The following ATP10B variants were observed in gnomAD, a reference collection of about 807,000 sequenced individuals.
ATP10B encodes the protein phospholipid-transporting ATPase VB.
ATP10B carries 122 observed loss-of-function variants against 141.2 expected under a neutral mutation model. The ratio of observed to expected loss-of-function variants is 0.86; its 90% CI spans 0.75 to 1.00. The LOEUF is 1.00. Ranked by LOEUF, ATP10B falls within the 50% of genes least tolerant of loss-of-function variation. The pLI is 0.00. For synonymous variants in ATP10B, 685 were observed against 692.0 expected, an observed-to-expected ratio of 0.99 and a Z score of 0.16; for missense variants, 1,876 against 1,825.3, an observed-to-expected ratio of 1.03 and a Z score of -0.51.
At chr5:160,860,998 A>G in the ATP10B span, among the ~76,000 whole-genome samples, 1 of 151,930 alleles carries the variant, frequency 6.6e-6, no homozygotes, top group African/African-American at 2.4e-5. Context: ...CCTCTGTAGC[A>G]ACTCAGTTTT....
intron 1 of ATP10B, among the ~76,000 whole-genome samples, chr5:160,837,050 C>T (rs1385162126): frequency 1.3e-5 from 2 of 152,096 alleles, no homozygotes; most frequent in South Asian, 2.1e-4. Flanking sequence ...TATACATACA[C>T]GATCTTACCA....
At chr5:160,821,693 A>G (rs1774118546) in intron 1 of ATP10B, among the ~76,000 whole-genome samples, 1 of 152,118 alleles carries the variant, frequency 6.6e-6, no homozygotes, top group Non-Finnish European at 1.5e-5. Flanking sequence ...GAGAGCCCAG[A>G]GTTAAATCCG....
At position 160,842,986 on chromosome 5, in the gene ATP10B, C is replaced by T. The variant is rs142477675; in HGVS notation, c.-576+8955G>A. 1.8e-3 allele frequency among the ~76,000 whole-genome samples: 278 copies of T among 152,064 alleles called. 1 individual carries two copies. The highest frequency in any genetic ancestry group is 5.8e-3 in the African/African-American group (242 of 41,496). On this transcript the variant is annotated intron_variant, in intron 1 of 25. Coordinates refer to ENST00000327245, the MANE Select transcript of ATP10B (RefSeq NM_025153.3). ...ATTGATACCAAAAGCAGATGAACAC[C>T]TTAAATAAAATGAAAGAAAAATCCA... is the stretch of plus-strand genomic sequence containing the variant.
At chr5:160,871,483 C>A in the ATP10B span, among the ~76,000 whole-genome samples, 3 of 152,028 alleles carry the variant, frequency 2.0e-5, no homozygotes, top group African/African-American at 4.8e-5. Context: ...TATATATACA[C>A]TGCACCATAT....
intron 7 of ATP10B, among the ~76,000 whole-genome samples, chr5:160,655,993 T>A (rs933019486): frequency 1.3e-5 from 2 of 152,182 alleles, no homozygotes; most frequent in Non-Finnish European, 2.9e-5. Flanking sequence ...TCCTCCTCAC[T>A]CACCTGTGTC....
chr5:160,852,306 G>T (rs2127993890), upstream of ATP10B: 1 of 152,272 alleles, frequency 6.6e-6, no homozygotes, highest in East Asian at 1.9e-4. Flanking sequence ...GTTAGACATG[G>T]TTCTTGCATA....
intron 2 of ATP10B, among the ~76,000 whole-genome samples, chr5:160,766,119 T>C (rs1769384960): frequency 6.6e-6 from 1 of 151,020 alleles, no homozygotes; most frequent in South Asian, 2.1e-4. Flanking sequence ...TGTAAACTAG[T>C]ATAACCGCTG....
At chr5:160,656,949 T>A (rs1288023036) in intron 7 of ATP10B, among the ~76,000 whole-genome samples, 2 of 152,178 alleles carry the variant, frequency 1.3e-5, no homozygotes, top group Non-Finnish European at 2.9e-5. Context: ...CATGCTTCTG[T>A]GAAACTCTTG....
chr5:160,689,407 A>G (rs1367444466), intron 3 of ATP10B, among the ~76,000 whole-genome samples: 1 of 152,202 alleles, frequency 6.6e-6, no homozygotes, highest in East Asian at 1.9e-4. Context: ...AAATAAAGGT[A>G]TTCGAATAGG....
At chr5:160,814,883 C>T (rs1380014043) in intron 1 of ATP10B, among the ~76,000 whole-genome samples, 3 of 152,120 alleles carry the variant, frequency 2.0e-5, no homozygotes, top group Admixed American at 6.5e-5. Context: ...TCCAGCCAAA[C>T]TAAGCTTCAT....
intron 25 of ATP10B, 33 bp from the exon 26 acceptor site, chr5:160,565,933 G>T (rs757208243): frequency 1.3e-6 from 2 of 1,548,050 alleles, no homozygotes; most frequent in African/African-American, 1.4e-5. Flanking sequence ...AGATATTTCT[G>T]ATTTCCACTG....
chr5:160,637,373 A>T (rs1344027004), intron 10 of ATP10B, among the ~76,000 whole-genome samples: 1 of 152,114 alleles, frequency 6.6e-6, no homozygotes, highest in Non-Finnish European at 1.5e-5. Flanking sequence ...TTACCCATTC[A>T]TCCCTCCCTC....
At position 160,752,173 on chromosome 5, in the gene ATP10B, CTTTT is replaced by C. The variant is rs561913092; in HGVS notation, c.-331+33382_-331+33385del. 5.6e-3 allele frequency among the ~76,000 whole-genome samples: 694 copies of C among 123,288 alleles called. 6 individuals carry two copies. Among genetic ancestry groups the C allele is most frequent in the African/African-American group, 0.015 (519 of 33,906 alleles). The allele number at this position is 123,288 out of a possible 152,430, so 80.9% of individuals were successfully genotyped here. On this transcript the variant is annotated intron_variant, in intron 2 of 25. Transcript: ENST00000327245. ...AAACTCCAGGGGGCAAGTCCCCCTA[CTTTT>C]TTTTTTTTTTTTTTTTTCAGGAAAA...
chr5:160,827,055 G>A (rs1268650811), intron 1 of ATP10B, among the ~76,000 whole-genome samples: 1 of 151,996 alleles, frequency 6.6e-6, no homozygotes, highest in Non-Finnish European at 1.5e-5. Flanking sequence ...GCCATTTGAA[G>A]CATGTGATCT....
Position 160,564,421 on chromosome 5 carries a change from C to A in ATP10B, c.*1032G>T, listed in dbSNP as rs1754422596. The A allele has an allele frequency of 6.6e-6, 1 of 152,114 alleles. No individual in the cohort carries two copies. The highest frequency in any genetic ancestry group is 2.4e-5 in the African/African-American group (1 of 41,414). The allele number at this position is 152,114 out of a possible 1,614,324, so 9.4% of individuals were successfully genotyped here. A position where few individuals can be genotyped will look rare whatever the true frequency, so the allele number is the denominator to read the frequency against. ...ACACTTGCTCTGACTCTAACTGATG[C>A]AGGCCAGTGTCTTCCAGAGGCTGGA... is the stretch of plus-strand genomic sequence containing the variant. On this transcript the variant is annotated 3_prime_UTR_variant, in exon 26 of 26. Coordinates refer to ENST00000327245, the MANE Select transcript of ATP10B (RefSeq NM_025153.3).
rs1369210291 is a variant in ATP10B, at chr5:160,839,633, G to A, written c.-576+12308C>T. On this transcript the variant is annotated intron_variant, in intron 1 of 25. Coordinates refer to ENST00000327245, the MANE Select transcript of ATP10B (RefSeq NM_025153.3). ...ACAACATAAGATGAGAGGCTTGGCA[G>A]TTATATCAATAAACACAAATGAGTT... Among the ~76,000 whole-genome samples, 4 of 152,204 alleles carry A rather than the reference G, an allele frequency of 2.6e-5. 1 individual carries two copies. The highest frequency in any genetic ancestry group is 9.6e-5 in the African/African-American group (4 of 41,552).
intron 1 of ATP10B, among the ~76,000 whole-genome samples, chr5:160,787,124 A>ACACAC (rs199992408): frequency 0.24 from 34,950 of 148,334 alleles, 4,956 homozygotes; most frequent in Non-Finnish European, 0.33. Context: ...ACACACACAC[A>ACACAC]CACACACACA....
the ATP10B span, among the ~76,000 whole-genome samples, chr5:160,926,001 A>G: frequency 2.0e-5 from 3 of 152,236 alleles, no homozygotes; most frequent in Non-Finnish European, 4.4e-5. Flanking sequence ...ATAGCCCAGT[A>G]GAAGGCATTG....
the ATP10B span, among the ~76,000 whole-genome samples, chr5:160,915,970 G>T: frequency 1.3e-5 from 2 of 152,116 alleles, no homozygotes; most frequent in Non-Finnish European, 2.9e-5. Context: ...CCCTCAGCCC[G>T]CCATCTGTGT....
Sources: allele counts gnomAD v4.1 joint callset (sites outside exome capture counted in the v4.1 genomes callset), GRCh38; gene constraint gnomAD v4.1.1; transcripts MANE v1.5; gene names NCBI Gene and HGNC (gene_info 2026-07-23, HGNC 2026-07-21).